SULF1: variants seen among roughly 807,000 people sequenced by gnomAD.
The protein encoded by SULF1 is extracellular sulfatase Sulf-1.
Under a neutral mutation model 110.5 loss-of-function variants are expected in SULF1, and 46 were observed. The observed-to-expected ratio is 0.42, with a 90% confidence interval of 0.33 to 0.53. The LOEUF is 0.53. Among genes scored for constraint, SULF1 ranks in the 20% least tolerant of loss-of-function variants. SULF1 has a pLI of 0.12. For missense variants in SULF1, 941 were observed against 1,094.2 expected, an observed-to-expected ratio of 0.86 and a Z score of 1.98; for synonymous variants, 371 against 387.1, an observed-to-expected ratio of 0.96 and a Z score of 0.49.
Position 69,631,936 on chromosome 8 carries a change from G to A in SULF1, c.2284+2257G>A, listed in dbSNP as rs118061076. Among the ~76,000 whole-genome samples, 17 of 152,314 alleles carry A rather than the reference G, an allele frequency of 1.1e-4. No homozygotes were observed. The East Asian group carries it at 2.9e-3, about 26-fold the overall frequency. ...TGTAATCATAGTTTTTTTGACTACT[G>A]TTTTTGCTTAACTGTTGTCCTTTCC... On this transcript the variant is annotated intron_variant, in intron 19 of 22. Transcript: ENST00000402687.
chr8:69,623,865 C>G, intron 14 of SULF1, 77 bp from the exon 15 acceptor site: 1 of 1,527,194 alleles, frequency 6.5e-7, no homozygotes. Flanking sequence ...AGGATCCCTT[C>G]TGGACCAGGT....
intron 14 of SULF1, among the ~76,000 whole-genome samples, chr8:69,622,199 T>G (rs1290539839): frequency 6.6e-6 from 1 of 152,230 alleles, no homozygotes; most frequent in African/African-American, 2.4e-5. Flanking sequence ...GCCAAAATAC[T>G]AAGAATCTTT....
At position 69,638,746 on chromosome 8, in the gene SULF1, A is replaced by G. The variant is rs770600588; in HGVS notation, c.2439A>G (p.Thr813=). Reference sequence around the variant, plus strand: ...GTCTGCATTCACAGCTCACAAATACAGTGCACACGGTAGAACGAGGCATTT... The same window carrying G: ...GTCTGCATTCACAGCTCACAAATACGGTGCACACGGTAGAACGAGGCATTT... ...MNTDPYQLTN[T]VHTVERGILN... Residue 813 remains threonine, a synonymous_variant, in exon 21 of 23, where the codon ACA becomes ACG. Transcript: ENST00000402687. 6.2e-7 allele frequency: 1 copy of G among 1,614,050 alleles called. No homozygotes were observed. Among genetic ancestry groups the G allele is most frequent in the East Asian group, 2.2e-5 (1 of 44,878 alleles).
chr8:69,536,707 T>G (rs1322014330), intron 3 of SULF1, among the ~76,000 whole-genome samples: 1 of 152,176 alleles, frequency 6.6e-6, no homozygotes, highest in Non-Finnish European at 1.5e-5. Flanking sequence ...GAGGAATCCT[T>G]GGTATGTTGA....
chr8:69,529,796 G>T (rs1173375970), intron 3 of SULF1, among the ~76,000 whole-genome samples: 1 of 152,228 alleles, frequency 6.6e-6, no homozygotes, highest in Non-Finnish European at 1.5e-5. Context: ...GAAACTGAGA[G>T]CAGGTGATCT....
intron 18 of SULF1, among the ~76,000 whole-genome samples, chr8:69,628,638 T>C (rs149778861): frequency 4.6e-5 from 7 of 152,320 alleles, no homozygotes; most frequent in African/African-American, 7.2e-5. Context: ...ATATAAATTT[T>C]TTTAAATAAT....
chr8:69,602,569 C>A (rs183549581), intron 10 of SULF1, among the ~76,000 whole-genome samples: 1 of 152,338 alleles, frequency 6.6e-6, no homozygotes, highest in Admixed American at 6.5e-5. Context: ...CCTCTCAGAT[C>A]CCTGATTCTG....
intron 6 of SULF1, among the ~76,000 whole-genome samples, chr8:69,585,146 GGT>G (rs141955554): frequency 1.6e-3 from 241 of 149,938 alleles, no homozygotes; most frequent in African/African-American, 4.9e-3. Flanking sequence ...CATGCATAGG[GGT>G]GTGTGTGTGT....
At position 69,589,153 on chromosome 8, in the gene SULF1, ACT is replaced by A; in HGVS notation, c.734+14_734+15del. On this transcript the variant is annotated intron_variant, in intron 8 of 22. Transcript: ENST00000402687. ...GCTTCCCAACACATGTAAGTAACAA[ACT>A]CAACTCTGCGACCTGCCGAACATGC... 5 of 1,608,700 alleles carry A rather than the reference ACT, an allele frequency of 3.1e-6. No individual in the cohort carries two copies. Among genetic ancestry groups the A allele is most frequent in the Non-Finnish European group, 4.3e-6 (5 of 1,176,126 alleles).
chr8:69,554,519 C>T (rs187724126), intron 3 of SULF1, among the ~76,000 whole-genome samples: 1 of 152,138 alleles, frequency 6.6e-6, no homozygotes, highest in African/African-American at 2.4e-5. Flanking sequence ...AAAGTATTTC[C>T]CAACTTCTGT....
intron 8 of SULF1, among the ~76,000 whole-genome samples, chr8:69,598,573 G>T (rs2130370398): frequency 6.6e-6 from 1 of 152,198 alleles, no homozygotes; most frequent in South Asian, 2.1e-4. Context: ...TGTATTTTTA[G>T]TAGAGACGGG....
intron 3 of SULF1, among the ~76,000 whole-genome samples, chr8:69,547,352 A>G (rs1814342076): frequency 6.6e-6 from 1 of 152,214 alleles, no homozygotes; most frequent in South Asian, 2.1e-4. Context: ...TTCCCCTGGG[A>G]TTTGAGATAT....
intron 8 of SULF1, among the ~76,000 whole-genome samples, chr8:69,599,853 G>A (rs1807650532): frequency 6.6e-6 from 1 of 152,176 alleles, no homozygotes; most frequent in South Asian, 2.1e-4. Flanking sequence ...GTACCCAGTG[G>A]AAGGCATGGG....
chr8:69,504,192 G>A (rs544833374), intron 3 of SULF1, among the ~76,000 whole-genome samples: 1 of 152,204 alleles, frequency 6.6e-6, no homozygotes, highest in East Asian at 1.9e-4. Flanking sequence ...TTTCACCACT[G>A]TGTTATGTCT....
At chr8:69,549,926 TGA>T (rs1814572070) in intron 3 of SULF1, among the ~76,000 whole-genome samples, 1 of 152,072 alleles carries the variant, frequency 6.6e-6, no homozygotes, top group Non-Finnish European at 1.5e-5. Context: ...TTTGTTTTAC[TGA>T]GTTCTGAGGG....
At chr8:69,564,789 G>A (rs193299007) in intron 5 of SULF1, among the ~76,000 whole-genome samples, 36 of 152,228 alleles carry the variant, frequency 2.4e-4, no homozygotes, top group African/African-American at 7.7e-4. Context: ...CCTTCTCACC[G>A]TCTTCAATGG....
At chr8:69,598,275 C>T (rs1161655356) in intron 8 of SULF1, among the ~76,000 whole-genome samples, 1 of 152,122 alleles carries the variant, frequency 6.6e-6, no homozygotes, top group Non-Finnish European at 1.5e-5. Context: ...CAAGAGAGTT[C>T]CTTGTTTATT....
chr8:69,522,218 T>C (rs1316626771), intron 3 of SULF1, among the ~76,000 whole-genome samples: 3 of 152,092 alleles, frequency 2.0e-5, no homozygotes, highest in Non-Finnish European at 2.9e-5. Flanking sequence ...ACCCGGCTAC[T>C]TTTTGTATTT....
At chr8:69,478,592 A>C (rs1809396410) in intron 1 of SULF1, among the ~76,000 whole-genome samples, 1 of 152,174 alleles carries the variant, frequency 6.6e-6, no homozygotes, top group Non-Finnish European at 1.5e-5. Context: ...CATCCTTGAA[A>C]AGAAAGACTC....
Sources: gnomAD v4.1 joint callset for allele counts (sites outside exome capture counted in the v4.1 genomes callset) on GRCh38, gnomAD v4.1.1 for gene constraint, MANE v1.5 for transcripts, NCBI Gene and HGNC (gene_info 2026-07-23, HGNC 2026-07-21) for gene names.